The following PTGFR variants were observed in gnomAD, a reference collection of about 807,000 sequenced individuals.
PTGFR encodes prostaglandin F receptor.
In PTGFR, 15 loss-of-function variants were observed where a neutral mutation model predicts 26.2. The observed-to-expected ratio is 0.57, with a 90% CI of 0.38 to 0.88. PTGFR has a LOEUF of 0.88. Among genes scored for constraint, PTGFR ranks in the 40% least tolerant of loss-of-function variants. PTGFR has a pLI of 0.00. For missense variants in PTGFR, 369 were observed against 427.2 expected, an observed-to-expected ratio of 0.86 and a Z score of 1.20; for synonymous variants, 165 against 151.1, an observed-to-expected ratio of 1.09 and a Z score of -0.68.
chr1:78,524,573 T>G (rs1650322824), intron 2 of PTGFR, among the ~76,000 whole-genome samples: 1 of 152,098 alleles, frequency 6.6e-6, no homozygotes, highest in African/African-American at 2.4e-5. Context: ...TCTTTCTCAC[T>G]GGCAATACAA....
rs1350733981 is a variant in PTGFR, at chr1:78,539,974, TCC to T, written c.*3288_*3289del. ...AGATAGAAATCTGATTTCCCAAACC[TCC>T]AGGTTTAGATATATCATTCAGAAAA... On this transcript the variant is annotated 3_prime_UTR_variant, in exon 3 of 3. Coordinates refer to ENST00000370757, the MANE Select transcript of PTGFR (RefSeq NM_000959.4). Among the ~76,000 whole-genome samples the T allele has an allele frequency of 1.3e-5, 2 of 152,048 alleles. No individual in the cohort carries two copies. Among genetic ancestry groups the T allele is most frequent in the Non-Finnish European group, 2.9e-5 (2 of 67,982 alleles).
rs1650655439 is a variant in PTGFR at position 78,536,441 on chromosome 1, T to C, written c.834T>C (p.His278=). The C allele has an allele frequency of 1.9e-6, 3 of 1,612,630 alleles. No individual in the cohort carries two copies. Among genetic ancestry groups the C allele is most frequent in the South Asian group, 1.1e-5 (1 of 90,852 alleles). ...TMANIGINGN[H]SLETCETTLF... ...CCAACATTGGAATAAATGGAAATCATTCTCTGGAAACCTGTGAAACAACAC... is the reference window on the plus strand; with the variant it reads ...CCAACATTGGAATAAATGGAAATCACTCTCTGGAAACCTGTGAAACAACAC... The change falls in exon 3 of 3, where the codon CAT becomes CAC. Residue 278 remains histidine (H), a synonymous_variant. Coordinates refer to ENST00000370757, the MANE Select transcript of PTGFR (RefSeq NM_000959.4).
chr1:78,528,161 A>G (rs1650417255), intron 2 of PTGFR, among the ~76,000 whole-genome samples: 1 of 151,946 alleles, frequency 6.6e-6, no homozygotes, highest in African/African-American at 2.4e-5. Flanking sequence ...GATTTGACCC[A>G]TAGGCTGTTA....
chr1:78,529,954 T>C (rs1046743209), intron 2 of PTGFR, among the ~76,000 whole-genome samples: 2 of 152,118 alleles, frequency 1.3e-5, no homozygotes, highest in Non-Finnish European at 2.9e-5. Context: ...TGATCTGAGG[T>C]GGAACAGTTT....
chr1:78,534,091 A>T (rs746866845), intron 2 of PTGFR, among the ~76,000 whole-genome samples: 1 of 152,200 alleles, frequency 6.6e-6, no homozygotes, highest in African/African-American at 2.4e-5. Context: ...CAACAAGGAT[A>T]TACAACTGTA....
chr1:78,519,151 A>G (rs1650166084), intron 2 of PTGFR, among the ~76,000 whole-genome samples: 2 of 152,152 alleles, frequency 1.3e-5, no homozygotes, highest in Admixed American at 1.3e-4. Context: ...TGGCTACTCC[A>G]CAATATGTGA....
At position 78,539,866 on chromosome 1, in the gene PTGFR, T is replaced by C. The variant is rs41313355; in HGVS notation, c.*3179T>C. 21,488 of 152,140 alleles carry C rather than the reference T, an allele frequency of 0.14. 1,649 individuals are homozygous for C. The highest frequency in any genetic ancestry group is 0.18 in the Non-Finnish European group (12,528 of 67,958). The allele number at this position is 152,140 out of a possible 1,614,324, so 9.4% of individuals were successfully genotyped here. Reference sequence around the variant, plus strand: ...TTCAACTTAATTTCCATTATTACCTTTTGCTCTCCCACCCTGCCCAATCTT... The same window carrying C: ...TTCAACTTAATTTCCATTATTACCTCTTGCTCTCCCACCCTGCCCAATCTT... On this transcript the variant is annotated 3_prime_UTR_variant, in exon 3 of 3. Coordinates refer to ENST00000370757, the MANE Select transcript of PTGFR (RefSeq NM_000959.4).
At chr1:78,532,390 A>ATATATATATATATATATATATATG (rs1317673207) in intron 2 of PTGFR, 4 of 132,074 alleles carry the variant, frequency 3.0e-5, no homozygotes, top group South Asian at 3.0e-4. Flanking sequence ...ATATATATAT[A>ATATATATATATATATATATATATG]TATATATGTA....
intron 2 of PTGFR, among the ~76,000 whole-genome samples, chr1:78,499,358 A>G (rs6681599): frequency 0.011 from 1,689 of 152,216 alleles, 28 homozygotes; most frequent in African/African-American, 0.039. Context: ...TTCTCTGTCT[A>G]TCTGGTTGTT....
At chr1:78,499,437 C>T (rs949193369) in intron 2 of PTGFR, among the ~76,000 whole-genome samples, 3 of 152,202 alleles carry the variant, frequency 2.0e-5, no homozygotes, top group African/African-American at 7.2e-5. Context: ...GTGTTCAGCT[C>T]CTAGACCAGT....
At chr1:78,536,039 A>G (rs1319069213) in intron 2 of PTGFR, among the ~76,000 whole-genome samples, 2 of 152,150 alleles carry the variant, frequency 1.3e-5, no homozygotes, top group African/African-American at 2.4e-5. Flanking sequence ...TCTATAATTT[A>G]TTTATTTAAA....
chr1:78,497,953 A>T, intron 2 of PTGFR: 1 of 1,564,988 alleles, frequency 6.4e-7, no homozygotes, highest in Non-Finnish European at 8.8e-7. Context: ...AGGTGAGTTT[A>T]CCCAAGAAAT....
At chr1:78,495,627 G>A (rs181085087) in intron 2 of PTGFR, among the ~76,000 whole-genome samples, 1 of 152,298 alleles carries the variant, frequency 6.6e-6, no homozygotes, top group East Asian at 1.9e-4. Flanking sequence ...GTAATCACTT[G>A]TATTTTGTTT....
chr1:78,531,679 G>A (rs1020613159), intron 2 of PTGFR, among the ~76,000 whole-genome samples: 1 of 151,748 alleles, frequency 6.6e-6, no homozygotes, highest in African/African-American at 2.4e-5. Flanking sequence ...AATCCAACTT[G>A]ACTCTTTGGA....
chr1:78,499,002 G>A (rs907473541), intron 2 of PTGFR, among the ~76,000 whole-genome samples: 2 of 152,132 alleles, frequency 1.3e-5, no homozygotes, highest in African/African-American at 4.8e-5. Context: ...ACATATTTTA[G>A]AGATACGTTA....
At chr1:78,512,463 G>A (rs1649995278) in intron 2 of PTGFR, among the ~76,000 whole-genome samples, 2 of 151,348 alleles carry the variant, frequency 1.3e-5, no homozygotes, top group African/African-American at 4.8e-5. Context: ...GCATGTCACA[G>A]GTGAGAGAGG....
At chr1:78,534,681 C>T (rs540040865) in intron 2 of PTGFR, among the ~76,000 whole-genome samples, 1 of 149,406 alleles carries the variant, frequency 6.7e-6, no homozygotes, top group African/African-American at 2.5e-5. Flanking sequence ...TTTCTATGAA[C>T]AAAATTACAT....
At chr1:78,497,795 C>T (rs1649594607) in intron 2 of PTGFR, 4 of 953,404 alleles carry the variant, frequency 4.2e-6, no homozygotes, top group Admixed American at 2.1e-5. Flanking sequence ...CCCTAATCAC[C>T]AACGGTAGAC....
rs1173578108 is a variant in PTGFR, at chr1:78,538,430, T to C, written c.*1743T>C. 1 of 151,912 alleles carries C rather than the reference T, an allele frequency of 6.6e-6. No individual in the cohort carries two copies. Among genetic ancestry groups the C allele is most frequent in the South Asian group, 2.1e-4 (1 of 4,828 alleles). 9.4% of individuals were successfully genotyped at this position (151,912 alleles called of 1,614,324 possible). On this transcript the variant is annotated 3_prime_UTR_variant, in exon 3 of 3. Transcript: ENST00000370757. ...AAGGCTTTAAGGAGTGAGAGAGATG[T>C]GTACATATCTTAGGAGGGTTATCTA...
Sources: allele counts gnomAD v4.1 joint callset (sites outside exome capture counted in the v4.1 genomes callset), GRCh38; gene constraint gnomAD v4.1.1; transcripts MANE v1.5; gene names NCBI Gene and HGNC (gene_info 2026-07-23, HGNC 2026-07-21).